The following CLCN5 variants were observed in gnomAD, a reference collection of about 807,000 sequenced individuals.
CLCN5 encodes Cl-/H+ antiporter 5, also known as H(+)/Cl(-) exchange transporter 5.
Under a neutral mutation model 54.0 loss-of-function variants are expected in CLCN5, and 17 were observed. That is an observed-to-expected ratio of 0.31 (90% CI 0.22 to 0.47). The LOEUF (loss-of-function observed/expected upper bound fraction) is 0.47, where lower values mean the gene tolerates loss of function less well. Among genes scored for constraint, CLCN5 ranks in the 20% least tolerant of loss-of-function variants. The pLI, the probability that CLCN5 is intolerant of heterozygous loss-of-function variation, is 1.00. For synonymous variants in CLCN5, 222 were observed against 233.0 expected (o/e 0.95, Z 0.43); for missense variants, 448 against 646.7 (o/e 0.69, Z 3.33).
At chrX:49,936,116 C>A (rs1481719469) in intron 3 of CLCN5, among the ~76,000 whole-genome samples, 1 of 111,701 alleles carries the variant, frequency 9.0e-6, no homozygotes, top group African/African-American at 3.3e-5. Flanking sequence ...CAAAATAATT[C>A]ACTAGATTCT....
At chrX:49,982,972 C>T (rs1928819062) in intron 3 of CLCN5, among the ~76,000 whole-genome samples, 1 of 111,688 alleles carries the variant, frequency 9.0e-6, no homozygotes, top group Admixed American at 9.5e-5. Flanking sequence ...TGTTTTTCCC[C>T]CAGCATTATT....
chrX:49,995,069 A>G (rs1929445463), intron 3 of CLCN5, among the ~76,000 whole-genome samples: 1 of 111,781 alleles, frequency 8.9e-6, no homozygotes, highest in Admixed American at 9.5e-5. Flanking sequence ...ACCTAAATTC[A>G]GATCAAGACG....
chrX:49,958,175 A>G (rs1315138950), intron 3 of CLCN5, among the ~76,000 whole-genome samples: 5 of 111,732 alleles, frequency 4.5e-5, no homozygotes, highest in African/African-American at 1.6e-4. Flanking sequence ...CTCCATCTCT[A>G]TAATTATATT....
chrX:50,074,740 C>T (rs1557191891), intron 6 of CLCN5, among the ~76,000 whole-genome samples: 1 of 112,118 alleles, frequency 8.9e-6, no homozygotes. Flanking sequence ...GAATATTTTT[C>T]TTTCCCTTGT....
rs1557194351 is a variant in CLCN5 at position 50,088,808 on chromosome X, C to A, written c.1668C>A (p.Phe556Leu). The change falls in exon 12 of 15, where the codon TTC becomes TTA. Residue 556 changes from phenylalanine (F) to leucine (L), a missense_variant. Around this residue, in one of 5 missense-constraint regions of CLCN5, gnomAD observed 297 missense variants for 470.4 expected, o/e 0.63. Transcript: ENST00000376091. Reference sequence around the variant, plus strand: ...ATTACCACCAGGAATGGACCGTCTTCAATAGCTGGTGTAGTCAGGGAGCTG... The same window carrying A: ...ATTACCACCAGGAATGGACCGTCTTAAATAGCTGGTGTAGTCAGGGAGCTG... ...LAYYHQEWTV[F>L]NSWCSQGADC... is the part of the protein sequence containing the mutation. 2.5e-6 allele frequency: 3 copies of A among 1,209,943 alleles called. No homozygotes were observed. Among genetic ancestry groups the A allele is most frequent in the East Asian group, 5.9e-5 (2 of 33,779 alleles).
At chrX:50,085,281 A>G (rs1184388917) in intron 9 of CLCN5, among the ~76,000 whole-genome samples, 9 of 112,014 alleles carry the variant, frequency 8.0e-5, no homozygotes, top group African/African-American at 2.9e-4. Context: ...TTACATGTAC[A>G]CACACACCTA....
chrX:49,945,069 C>T (rs1926619062), intron 3 of CLCN5, among the ~76,000 whole-genome samples: 1 of 111,737 alleles, frequency 8.9e-6, no homozygotes, highest in Non-Finnish European at 1.9e-5. Context: ...TTTATGTTAG[C>T]TCCCCAGTAG....
At chrX:50,087,361 A>G (rs1283743630) in intron 11 of CLCN5, among the ~76,000 whole-genome samples, 1 of 111,358 alleles carries the variant, frequency 9.0e-6, no homozygotes, top group Non-Finnish European at 1.9e-5. Flanking sequence ...ATAGCTAAAT[A>G]TAGTTTTTTA....
At chrX:50,079,143 G>T (rs1224078625) in intron 7 of CLCN5, among the ~76,000 whole-genome samples, 10 of 111,401 alleles carry the variant, frequency 9.0e-5, no homozygotes, top group Non-Finnish European at 1.1e-4. Context: ...TCTGCCTCTG[G>T]CCAGTTTGAG....
chrX:50,085,727 G>A (rs1933861086), intron 9 of CLCN5: 2 of 397,871 alleles, frequency 5.0e-6, no homozygotes, highest in Admixed American at 4.1e-5. Flanking sequence ...CGGGGGGGCG[G>A]TGCATAATTT....
At chrX:49,948,035 C>T (rs1004100239) in intron 3 of CLCN5, among the ~76,000 whole-genome samples, 6 of 111,046 alleles carry the variant, frequency 5.4e-5, no homozygotes, top group African/African-American at 1.3e-4. Flanking sequence ...TCTGTCACTG[C>T]TTCTCCATTA....
chrX:49,981,252 A>G (rs1928716178), intron 3 of CLCN5, among the ~76,000 whole-genome samples: 1 of 111,920 alleles, frequency 8.9e-6, no homozygotes, highest in Non-Finnish European at 1.9e-5. Context: ...ATTTCTCTAC[A>G]CTATAATCCA....
intron 4 of CLCN5, among the ~76,000 whole-genome samples, chrX:50,045,899 C>T (rs1932375981): frequency 8.9e-6 from 1 of 112,206 alleles, no homozygotes; most frequent in African/African-American, 3.2e-5. Flanking sequence ...TCACAATGTC[C>T]TTGATATTCA....
chrX:50,013,682 A>G (rs1381866672), intron 3 of CLCN5, among the ~76,000 whole-genome samples: 1 of 112,386 alleles, frequency 8.9e-6, no homozygotes, highest in Admixed American at 9.3e-5. Flanking sequence ...ACTCAGATGC[A>G]TGCCTGGTGT....
chrX:50,050,699 G>A (rs782367158), intron 4 of CLCN5, among the ~76,000 whole-genome samples: 4 of 76,160 alleles, frequency 5.3e-5, no homozygotes, highest in African/African-American at 2.2e-4. Context: ...TCGCTCTGTT[G>A]ACTAGGCTGG....
At position 50,090,654 on chromosome X, in the gene CLCN5, C is replaced by T. The variant is rs782464540; in HGVS notation, c.2144-16C>T. ...CACGTCCATCTTCAATTTGTTTTTTCCTTCTGTTTGAATAGAAAATGCTCG... is the reference window on the plus strand; with the variant it reads ...CACGTCCATCTTCAATTTGTTTTTTTCTTCTGTTTGAATAGAAAATGCTCG... On this transcript the variant is annotated splice_polypyrimidine_tract_variant and intron_variant, in intron 13 of 14. Transcript: ENST00000376091. 57 of 1,196,450 alleles carry T rather than the reference C, an allele frequency of 4.8e-5. No homozygotes were observed. The Admixed American group carries it at 1.3e-3, about 27-fold the overall frequency.
At chrX:49,945,596 C>G (rs1557171869) in intron 3 of CLCN5, among the ~76,000 whole-genome samples, 1 of 103,620 alleles carries the variant, frequency 9.7e-6, no homozygotes, top group Non-Finnish European at 2.0e-5. Flanking sequence ...CGCCACCACG[C>G]CCAGCTAGTT....
intron 3 of CLCN5, among the ~76,000 whole-genome samples, chrX:49,965,321 T>C (rs1293843014): frequency 8.9e-6 from 1 of 112,147 alleles, no homozygotes; most frequent in Non-Finnish European, 1.9e-5. Flanking sequence ...CAGCAATATT[T>C]TGTAGTTTTC....
At chrX:50,027,595 A>G (rs1328015047) in intron 3 of CLCN5, among the ~76,000 whole-genome samples, 1 of 111,739 alleles carries the variant, frequency 8.9e-6, no homozygotes, top group Non-Finnish European at 1.9e-5. Flanking sequence ...CTCTGCTTAC[A>G]TTACTCATCT....
Sources: allele counts gnomAD v4.1 joint callset (sites outside exome capture counted in the v4.1 genomes callset), GRCh38; gene constraint gnomAD v4.1.1; regional missense constraint gnomAD v4.1.1; transcripts MANE v1.5; gene names NCBI Gene and HGNC (gene_info 2026-07-23, HGNC 2026-07-21).